The following GNA14 variants were observed in gnomAD, a reference collection of about 807,000 sequenced individuals.
The protein encoded by GNA14 is guanine nucleotide-binding protein subunit alpha-14.
In GNA14, 50 loss-of-function variants were observed where a neutral mutation model predicts 42.0. The ratio of observed to expected loss-of-function variants is 1.19; its 90% confidence interval spans 0.95 to 1.51. The LOEUF (loss-of-function observed/expected upper bound fraction) is 1.51, where lower values mean the gene tolerates loss of function less well. Ranked by LOEUF, GNA14 falls within the 40% of genes most tolerant of loss-of-function variation. The pLI is 0.00. For synonymous variants in GNA14, 173 were observed against 163.1 expected (o/e 1.06, Z -0.46); for missense variants, 473 against 446.2 (o/e 1.06, Z -0.54).
At chr9:77,586,405 C>A (rs181126285) in intron 1 of GNA14, among the ~76,000 whole-genome samples, 281 of 152,272 alleles carry the variant, frequency 1.8e-3, no homozygotes, top group African/African-American at 6.5e-3. Context: ...TGCTTGACAT[C>A]ATTAGTCATT....
intron 1 of GNA14, among the ~76,000 whole-genome samples, chr9:77,638,187 T>C (rs1824211493): frequency 6.6e-6 from 1 of 152,232 alleles, no homozygotes; most frequent in African/African-American, 2.4e-5. Flanking sequence ...CCAGTCATTA[T>C]TAAAACATTG....
rs373460711 is a variant in GNA14 at position 77,508,698 on chromosome 9, C to T, written c.309+20371G>A. 3.9e-4 allele frequency among the ~76,000 whole-genome samples: 60 copies of T among 152,248 alleles called. No individual in the cohort carries two copies. The South Asian group carries it at 9.1e-3, about 23-fold the overall frequency. The stretch of plus-strand genomic sequence containing the variant: ...CCAGATCTTGTTTCTGACTACAGTT[C>T]CCCTGTAGAAGAACCAGGCCTCCTT... On this transcript the variant is annotated intron_variant, in intron 2 of 6. Coordinates refer to ENST00000341700, the MANE Select transcript of GNA14 (RefSeq NM_004297.4).
chr9:77,643,233 TG>T (rs1824296405), intron 1 of GNA14, among the ~76,000 whole-genome samples: 1 of 150,292 alleles, frequency 6.7e-6, no homozygotes, highest in Non-Finnish European at 1.5e-5. Flanking sequence ...AGTGGGAAGG[TG>T]TTGTCATTTT....
chr9:77,563,805 C>T (rs979458245), intron 1 of GNA14, among the ~76,000 whole-genome samples: 1 of 151,974 alleles, frequency 6.6e-6, no homozygotes, highest in Non-Finnish European at 1.5e-5. Context: ...GTCTAGAATC[C>T]TTTTTTGGAC....
intron 2 of GNA14, among the ~76,000 whole-genome samples, chr9:77,438,266 T>G (rs1471123445): frequency 1.3e-5 from 2 of 149,238 alleles, no homozygotes; most frequent in Non-Finnish European, 3.0e-5. Flanking sequence ...TCCTACCTGT[T>G]AAGATTTTTT....
At chr9:77,627,682 A>C (rs1401207417) in intron 1 of GNA14, among the ~76,000 whole-genome samples, 3 of 152,194 alleles carry the variant, frequency 2.0e-5, no homozygotes, top group African/African-American at 4.8e-5. Flanking sequence ...GCCTTCAATA[A>C]AACTCAACAC....
intron 2 of GNA14, among the ~76,000 whole-genome samples, chr9:77,496,033 G>A (rs11145439): frequency 0.027 from 4,079 of 152,282 alleles, 113 homozygotes; most frequent in East Asian, 0.14. Context: ...CAGGAGTGAT[G>A]TCCGTGACAA....
intron 1 of GNA14, among the ~76,000 whole-genome samples, chr9:77,620,292 A>G (rs1356765949): frequency 6.6e-6 from 1 of 152,198 alleles, no homozygotes; most frequent in Non-Finnish European, 1.5e-5. Context: ...TGCACATTAG[A>G]AGCCATACTG....
chr9:77,524,838 A>G (rs1422460124), intron 2 of GNA14, among the ~76,000 whole-genome samples: 1 of 152,236 alleles, frequency 6.6e-6, no homozygotes, highest in Non-Finnish European at 1.5e-5. Flanking sequence ...ACCTGCCCCA[A>G]TAATAACCTT....
chr9:77,476,384 G>A (rs1836423828), intron 2 of GNA14, among the ~76,000 whole-genome samples: 1 of 152,178 alleles, frequency 6.6e-6, no homozygotes, highest in African/African-American at 2.4e-5. Flanking sequence ...TCATCTCTGG[G>A]GAGGCCACAG....
intron 1 of GNA14, among the ~76,000 whole-genome samples, chr9:77,627,615 T>C (rs779878858): frequency 1.3e-5 from 2 of 152,084 alleles, no homozygotes; most frequent in Non-Finnish European, 2.9e-5. Context: ...ATGTAATCCA[T>C]CACGTAAACA....
In GNA14 at chr9:77,423,741, A is replaced by G. The variant is rs1835409903; in HGVS notation, c.*238T>C. On this transcript the variant is annotated 3_prime_UTR_variant, in exon 7 of 7. Transcript: ENST00000341700. ...AAATTCAAAAATTACACAAAATCTT[A>G]TAGCCAAAAGTCAAGAAAATAATTA... The G allele has an allele frequency of 3.5e-6, 1 of 288,352 alleles. No homozygotes were observed. The highest frequency in any genetic ancestry group is 6.4e-6 in the Non-Finnish European group (1 of 156,626). The allele number at this position is 288,352 out of a possible 1,614,324, so 17.9% of individuals were successfully genotyped here. A position where few individuals can be genotyped will look rare whatever the true frequency, so the allele number is the denominator to read the frequency against.
intron 2 of GNA14, among the ~76,000 whole-genome samples, chr9:77,459,413 G>C (rs1836066893): frequency 6.6e-6 from 1 of 152,040 alleles, no homozygotes; most frequent in Non-Finnish European, 1.5e-5. Context: ...TCCTGCCTGG[G>C]TAATCCAAGC....
intron 1 of GNA14, among the ~76,000 whole-genome samples, chr9:77,616,785 C>T (rs1823826233): frequency 6.6e-6 from 1 of 152,186 alleles, no homozygotes; most frequent in Non-Finnish European, 1.5e-5. Context: ...AACAATAACT[C>T]CACCTCCAGC....
intron 2 of GNA14, among the ~76,000 whole-genome samples, chr9:77,496,858 C>A (rs1380314397): frequency 6.6e-6 from 1 of 152,172 alleles, no homozygotes; most frequent in East Asian, 1.9e-4. Context: ...ATATTTCGAA[C>A]AAACACAAAG....
chr9:77,501,383 C>A (rs562667031), intron 2 of GNA14, among the ~76,000 whole-genome samples: 3 of 152,242 alleles, frequency 2.0e-5, no homozygotes, highest in South Asian at 2.1e-4. Flanking sequence ...ATTGTTTTTT[C>A]TTTTAATCAT....
intron 1 of GNA14, among the ~76,000 whole-genome samples, chr9:77,603,219 C>G: frequency 6.6e-6 from 1 of 152,122 alleles, no homozygotes; most frequent in Non-Finnish European, 1.5e-5. Flanking sequence ...AACCAATGCC[C>G]TTTCTCTTAG....
rs1162211947 is a variant in GNA14, at chr9:77,521,323, C to T, written c.309+7746G>A. On this transcript the variant is annotated intron_variant, in intron 2 of 6. Coordinates refer to ENST00000341700, the MANE Select transcript of GNA14 (RefSeq NM_004297.4). ...CTACGGCCAAAGTTGGAACATTGGC[C>T]TCTGTGTTCCCAAAGGTTCGTGCAG... Among the ~76,000 whole-genome samples, 10 of 152,272 alleles carry T rather than the reference C, an allele frequency of 6.6e-5. No individual in the cohort carries two copies. The East Asian group carries it at 9.6e-4, about 15-fold the overall frequency.
At position 77,603,951 on chromosome 9, in the gene GNA14, A is replaced by C. The variant is rs572940938; in HGVS notation, c.124+43719T>G. Among the ~76,000 whole-genome samples the C allele has an allele frequency of 8.5e-4, 120 of 140,380 alleles. 4 individuals carry two copies. Among genetic ancestry groups the C allele is most frequent in the Admixed American group, 2.3e-3 (32 of 14,056 alleles). 92.1% of individuals were successfully genotyped at this position (140,380 alleles called of 152,430 possible). A position where few individuals can be genotyped will look rare whatever the true frequency, so the allele number is the denominator to read the frequency against. On this transcript the variant is annotated intron_variant, in intron 1 of 6. Coordinates refer to ENST00000341700, the MANE Select transcript of GNA14 (RefSeq NM_004297.4). The stretch of plus-strand genomic sequence containing the variant: ...AGAGTAAGACTCCATCTCAAAAAAA[A>C]AAAACAAAAAAAAAAAAAAAAAAAA...
Sources: allele counts gnomAD v4.1 joint callset (sites outside exome capture counted in the v4.1 genomes callset), GRCh38; gene constraint gnomAD v4.1.1; transcripts MANE v1.5; gene names NCBI Gene and HGNC (gene_info 2026-07-23, HGNC 2026-07-21).